The following FAM149B1 variants were observed in gnomAD, a reference collection of about 807,000 sequenced individuals.
The protein encoded by FAM149B1 is family with sequence similarity 149 member B1, also known as primary cilium assembly protein FAM149B1.
A neutral mutation model predicts 75.3 loss-of-function variants in FAM149B1; 56 were observed. The ratio of observed to expected loss-of-function variants is 0.74; its 90% CI spans 0.60 to 0.93. The LOEUF (loss-of-function observed/expected upper bound fraction) is 0.93. FAM149B1 is among the 40% of genes least tolerant of loss of function. The pLI, the probability that FAM149B1 is intolerant of heterozygous loss-of-function variation, is 0.00. For synonymous variants in FAM149B1, 259 were observed against 256.1 expected (o/e 1.01, Z -0.11); for missense variants, 639 against 708.4 (o/e 0.90, Z 1.11).
At chr10:73,187,473 T>C (rs1411906628) in intron 3 of FAM149B1, among the ~76,000 whole-genome samples, 1 of 150,550 alleles carries the variant, frequency 6.6e-6, no homozygotes, top group Non-Finnish European at 1.5e-5. Flanking sequence ...CTCACGCCTG[T>C]AATCCCAGCA....
rs1009856196 is a variant in FAM149B1, at chr10:73,233,063, A to G, written c.1252A>G (p.Arg418Gly). Residue 418 changes from arginine to glycine, a missense_variant, in exon 10 of 14, where the codon AGA becomes GGA. Coordinates refer to ENST00000242505, the MANE Select transcript of FAM149B1 (RefSeq NM_173348.2). Reference protein sequence around the residue: ...SLSYTVQSTRRRNPPPRTLHP... With the variant: ...SLSYTVQSTRGRNPPPRTLHP... ...GTCATACACAGTGCAGTCCACCAGG[A>G]GACGCAATCCACCACCACGAACTCT... is the stretch of plus-strand genomic sequence containing the variant. 7.1e-6 allele frequency: 11 copies of G among 1,551,740 alleles called. No individual in the cohort carries two copies. The highest frequency in any genetic ancestry group is 9.6e-6 in the Non-Finnish European group (11 of 1,146,986).
At chr10:73,237,591 T>C (rs1362944236) in intron 12 of FAM149B1, among the ~76,000 whole-genome samples, 3 of 152,118 alleles carry the variant, frequency 2.0e-5, no homozygotes, top group South Asian at 4.1e-4. Context: ...AGCTAATTTT[T>C]GTATTCTTTT....
chr10:73,192,460 G>A, intron 3 of FAM149B1, 96 bp from the exon 4 acceptor site: 1 of 1,229,328 alleles, frequency 8.1e-7, no homozygotes, highest in South Asian at 1.5e-5. Context: ...GACTAAATAT[G>A]TAAACAAAAC....
chr10:73,224,474 T>C (rs1195173059), intron 7 of FAM149B1, among the ~76,000 whole-genome samples: 1 of 149,326 alleles, frequency 6.7e-6, no homozygotes, highest in Non-Finnish European at 1.5e-5. Context: ...ATTACAACTT[T>C]TTTTTTTTTT....
intron 1 of FAM149B1, among the ~76,000 whole-genome samples, chr10:73,172,092 G>A (rs1423440659): frequency 1.3e-5 from 2 of 151,828 alleles, no homozygotes; most frequent in African/African-American, 2.4e-5. Context: ...GATATTTTTT[G>A]TTATCTAATT....
rs151008315 is a variant in FAM149B1, at chr10:73,168,635, C to T, written c.47+249C>T. ...TGAAGCATTTGTAGCATCCGCAGTG[C>T]TTCAGGTCCCATTGTTAATGGCCAT... On this transcript the variant is annotated intron_variant, in intron 1 of 13. Transcript: ENST00000242505. Among the ~76,000 whole-genome samples, 511 of 152,336 alleles carry T rather than the reference C, an allele frequency of 3.4e-3. 2 individuals are homozygous for T. In the Middle Eastern group the frequency reaches 0.041, roughly 12 times the overall value.
chr10:73,204,738 A>T (rs1466644386), intron 5 of FAM149B1, among the ~76,000 whole-genome samples: 2 of 149,708 alleles, frequency 1.3e-5, no homozygotes, highest in East Asian at 3.9e-4. Flanking sequence ...ACCTCGTGAG[A>T]TATCTTAAGA....
rs573895676 is a variant in FAM149B1 at position 73,200,477 on chromosome 10, T to C, written c.542+6884T>C. 48 of 622,828 alleles carry C rather than the reference T, an allele frequency of 7.7e-5. No individual in the cohort carries two copies. The African/African-American group carries it at 8.6e-4, about 11-fold the overall frequency. The allele number at this position is 622,828 out of a possible 1,614,324, so 38.6% of individuals were successfully genotyped here. On this transcript the variant is annotated intron_variant, in intron 5 of 13. Transcript: ENST00000242505. ...CTGCAGGCTGAAGTACCACATATTGTTGGTACACCAGGGAGAATGTGTGAT... is the reference window on the plus strand; with the variant it reads ...CTGCAGGCTGAAGTACCACATATTGCTGGTACACCAGGGAGAATGTGTGAT...
At position 73,230,458 on chromosome 10, in the gene FAM149B1, G is replaced by GTGAA; in HGVS notation, c.1064_1067dup (p.Asp356GlufsTer2). ...TCAAGCAAGCAGACATCAGCCAAAT[G>GTGAA]TGAATGATCTCTTGGTTCATGGAAT... On this transcript the variant is annotated frameshift_variant, in exon 9 of 14. Coordinates refer to ENST00000242505, the MANE Select transcript of FAM149B1 (RefSeq NM_173348.2). LOFTEE classifies it high-confidence loss of function. 6.5e-7 allele frequency: 1 copy of GTGAA among 1,550,220 alleles called. No individual in the cohort carries two copies.
chr10:73,175,208 T>A (rs1185635151), intron 2 of FAM149B1, among the ~76,000 whole-genome samples: 1 of 151,562 alleles, frequency 6.6e-6, no homozygotes, highest in Non-Finnish European at 1.5e-5. Context: ...AAAAAATAAA[T>A]AAATAAAATA....
At chr10:73,185,281 G>A (rs1362298471) in intron 3 of FAM149B1, among the ~76,000 whole-genome samples, 6 of 152,128 alleles carry the variant, frequency 3.9e-5, no homozygotes, top group Non-Finnish European at 7.4e-5. Flanking sequence ...TGATCACAGT[G>A]GCTCATGCCC....
rs2043121610 is a variant in FAM149B1, at chr10:73,208,697, CT to C, written c.625del (p.Cys209ValfsTer11). 1.3e-6 allele frequency: 2 copies of C among 1,549,036 alleles called. No individual in the cohort carries two copies. Among genetic ancestry groups the C allele is most frequent in the African/African-American group, 2.7e-5 (2 of 73,086 alleles). ...KASSIAKSSS[F>X]CSMERDEEDS... ...CATCTTCCATTGCCAAATCCTCCAGCTTTTGTTCTATGGAAAGAGATGAGGA... is the reference window on the plus strand; with the variant it reads ...CATCTTCCATTGCCAAATCCTCCAGCTTTGTTCTATGGAAAGAGATGAGGA... On this transcript the variant is annotated frameshift_variant, in exon 6 of 14. Transcript: ENST00000242505. LOFTEE classifies it high-confidence loss of function.
At position 73,199,447 on chromosome 10, in the gene FAM149B1, G is replaced by T. The variant is rs191672788; in HGVS notation, c.542+5854G>T. On this transcript the variant is annotated intron_variant, in intron 5 of 13. Coordinates refer to ENST00000242505, the MANE Select transcript of FAM149B1 (RefSeq NM_173348.2). The stretch of plus-strand genomic sequence containing the variant: ...TTTGCCAGGATGGTCTCGATCTCCT[G>T]ACCTCATGGTCCACCCTCCTCAGCC... 5.3e-5 allele frequency among the ~76,000 whole-genome samples: 8 copies of T among 152,208 alleles called. No individual in the cohort carries two copies. In the East Asian group the frequency reaches 1.5e-3, roughly 29 times the overall value.
Position 73,241,057 on chromosome 10 carries a change from G to GA in FAM149B1, c.*39dup, listed in dbSNP as rs58421991. The GA allele has an allele frequency of 5.8e-3, 6,565 of 1,130,152 alleles. 307 individuals are homozygous for GA. The African/African-American group carries it at 0.087, about 15-fold the overall frequency. The allele number at this position is 1,130,152 out of a possible 1,614,324, so 70.0% of individuals were successfully genotyped here. On this transcript the variant is annotated 3_prime_UTR_variant, in exon 14 of 14. Transcript: ENST00000242505. ...GAATCTATCAGGCTGCAGGAAACACGAGATTTCATGAAGCAGTATTCAGTC... is the reference window on the plus strand; with the variant it reads ...GAATCTATCAGGCTGCAGGAAACACGAAGATTTCATGAAGCAGTATTCAGTC...
chr10:73,192,791 T>C (rs1469477026), intron 4 of FAM149B1, 93 bp downstream of exon 4: 1 of 1,178,612 alleles, frequency 8.5e-7, no homozygotes, highest in African/African-American at 1.6e-5. Context: ...GAAATCTTTA[T>C]GAGCATGACT....
intron 7 of FAM149B1, among the ~76,000 whole-genome samples, chr10:73,223,478 T>C (rs533293340): frequency 1.3e-5 from 2 of 152,372 alleles, no homozygotes; most frequent in Non-Finnish European, 2.9e-5. Context: ...TAGAATATAA[T>C]ACTATTATGA....
At position 73,202,370 on chromosome 10, in the gene FAM149B1, T is replaced by G. The variant is rs889970576; in HGVS notation, c.543-6249T>G. Among the ~76,000 whole-genome samples, 12 of 152,214 alleles carry G rather than the reference T, an allele frequency of 7.9e-5. No individual in the cohort carries two copies. The East Asian group carries it at 9.7e-4, about 12-fold the overall frequency. ...AAGAATTCCATTAGTTACCACTGACTAAAAATATAATTGGTTATAAGTGGA... is the reference window on the plus strand; with the variant it reads ...AAGAATTCCATTAGTTACCACTGACGAAAAATATAATTGGTTATAAGTGGA... On this transcript the variant is annotated intron_variant, in intron 5 of 13. Transcript: ENST00000242505.
rs373534454 is a variant in FAM149B1 at position 73,228,118 on chromosome 10, T to C, written c.957T>C (p.Ser319=). ...RPDSESSCVL[S]ELHPLVLPRV... is the part of the protein sequence containing the mutation. Reference sequence around the variant, plus strand: ...ATTCAGAAAGTTCCTGTGTGCTGAGTGAACTACATCCTTTGGTGTTACCGC... The same window carrying C: ...ATTCAGAAAGTTCCTGTGTGCTGAGCGAACTACATCCTTTGGTGTTACCGC... The change falls in exon 8 of 14, where the codon AGT becomes AGC. Residue 319 remains serine (S), a synonymous_variant. Coordinates refer to ENST00000242505, the MANE Select transcript of FAM149B1 (RefSeq NM_173348.2). 8.5e-5 allele frequency: 132 copies of C among 1,551,280 alleles called. No individual in the cohort carries two copies. The African/African-American group carries it at 1.7e-3, about 20-fold the overall frequency.
rs571636458 is a variant in FAM149B1 at position 73,235,205 on chromosome 10, G to A, written c.1489G>A (p.Asp497Asn). 23 of 1,551,568 alleles carry A rather than the reference G, an allele frequency of 1.5e-5. No individual in the cohort carries two copies. Among genetic ancestry groups the A allele is most frequent in the Admixed American group, 3.9e-5 (2 of 50,978 alleles). The change falls in exon 12 of 14, where the codon GAC (aspartate) becomes AAC (asparagine). Residue 497 changes from aspartate to asparagine, a missense_variant. Coordinates refer to ENST00000242505, the MANE Select transcript of FAM149B1 (RefSeq NM_173348.2). The part of the protein sequence containing the change: ...GPQRQMKPHG[D>N]SSRAQSAVVD... ...GTCTCCTCTGCAGAAACCCCATGGC[G>A]ACTCTAGTCGAGCTCAAAGTGCGGT...
Sources: gnomAD v4.1 joint callset for allele counts (sites outside exome capture counted in the v4.1 genomes callset) on GRCh38, gnomAD v4.1.1 for gene constraint, MANE v1.5 for transcripts, NCBI Gene and HGNC (gene_info 2026-07-23, HGNC 2026-07-21) for gene names.